The following FAM117A variants were observed in gnomAD, a reference collection of about 807,000 sequenced individuals.
The protein encoded by FAM117A is protein FAM117A.
A neutral mutation model predicts 44.1 loss-of-function variants in FAM117A; 21 were observed. The ratio of observed to expected loss-of-function variants is 0.48; its 90% CI spans 0.34 to 0.69. The LOEUF is 0.69. Among genes scored for constraint, FAM117A ranks in the 30% least tolerant of loss-of-function variants. The pLI is 0.01. For missense variants in FAM117A, 498 were observed against 589.9 expected (o/e 0.84, Z 1.61); for synonymous variants, 220 against 238.3 (o/e 0.92, Z 0.71).
At chr17:49,756,204 A>G (rs2073698108) in intron 1 of FAM117A, among the ~76,000 whole-genome samples, 1 of 152,186 alleles carries the variant, frequency 6.6e-6, no homozygotes, top group African/African-American at 2.4e-5. Flanking sequence ...AAAACATCCC[A>G]GTAGTTTTCT....
At chr17:49,769,884 G>A (rs953863927) in intron 1 of FAM117A, among the ~76,000 whole-genome samples, 6 of 152,056 alleles carry the variant, frequency 3.9e-5, no homozygotes, top group Admixed American at 1.3e-4. Context: ...ACAAGGGGAG[G>A]ACTTGTCAGA....
intron 1 of FAM117A, among the ~76,000 whole-genome samples, chr17:49,736,936 C>A (rs1421777819): frequency 6.6e-6 from 1 of 152,242 alleles, no homozygotes; most frequent in Non-Finnish European, 1.5e-5. Flanking sequence ...GTGTATCCCC[C>A]ACAATGTCTA....
At chr17:49,752,314 C>T (rs2073680868) in intron 1 of FAM117A, among the ~76,000 whole-genome samples, 1 of 152,068 alleles carries the variant, frequency 6.6e-6, no homozygotes. Flanking sequence ...TTCAGTTAAC[C>T]TAAAGCTAGG....
chr17:49,712,306 T>C (rs772480171), intron 7 of FAM117A, among the ~76,000 whole-genome samples: 1 of 152,202 alleles, frequency 6.6e-6, no homozygotes, highest in Non-Finnish European at 1.5e-5. Flanking sequence ...GGGGTGGGGA[T>C]GGAGGCATTG....
chr17:49,732,376 G>A, intron 2 of FAM117A, 175 bp downstream of exon 2: 1 of 591,894 alleles, frequency 1.7e-6, no homozygotes, highest in South Asian at 2.2e-5. Context: ...CTGCACTCCA[G>A]CCTGGGTGAC....
At chr17:49,783,692 T>C (rs1336531302) in intron 1 of FAM117A, among the ~76,000 whole-genome samples, 1 of 152,220 alleles carries the variant, frequency 6.6e-6, no homozygotes, top group Non-Finnish European at 1.5e-5. Context: ...AATGAAAATA[T>C]TTTAATAGGA....
At position 49,727,949 on chromosome 17, in the gene FAM117A, A is replaced by G. The variant is rs16948348; in HGVS notation, c.366+4602T>C. ...CGTCAGGACCACGTGTTCAACTGAA[A>G]TTCTGCAGGGAATCAGTCCCTTAGG... On this transcript the variant is annotated intron_variant, in intron 2 of 7. Coordinates refer to ENST00000240364, the MANE Select transcript of FAM117A (RefSeq NM_030802.4). Among the ~76,000 whole-genome samples, 1,258 of 152,328 alleles carry G rather than the reference A, an allele frequency of 8.3e-3. 11 individuals carry two copies. Among genetic ancestry groups the G allele is most frequent in the African/African-American group, 0.012 (481 of 41,578 alleles).
chr17:49,736,052 A>G (rs1266648283), intron 1 of FAM117A, among the ~76,000 whole-genome samples: 2 of 152,196 alleles, frequency 1.3e-5, no homozygotes, highest in African/African-American at 4.8e-5. Flanking sequence ...TGAGAAATAT[A>G]AACTTACAGG....
chr17:49,767,969 A>G (rs2073750208), upstream of FAM117A, among the ~76,000 whole-genome samples: 1 of 152,128 alleles, frequency 6.6e-6, no homozygotes, highest in Non-Finnish European at 1.5e-5. Flanking sequence ...TTTTTAATCT[A>G]TAAGAGACTT....
rs1774151321 is a variant in FAM117A, at chr17:49,763,951, GC to G, written c.136del (p.Ala46ProfsTer85). 1 of 1,234,556 alleles carries G rather than the reference GC, an allele frequency of 8.1e-7. No individual in the cohort carries two copies. The highest frequency in any genetic ancestry group is 1.0e-6 in the Non-Finnish European group (1 of 989,976). 76.5% of individuals were successfully genotyped at this position (1,234,556 alleles called of 1,614,324 possible). A position where few individuals can be genotyped will look rare whatever the true frequency, so the allele number is the denominator to read the frequency against. On this transcript the variant is annotated frameshift_variant, in exon 1 of 8. Transcript: ENST00000240364. LOFTEE classifies it high-confidence loss of function. ...SPRAGLQPLR[A>X]TIPFQLQQPH... ...CTGCTGCAGCTGGAAGGGGATCGTGGCCCTGAGCGGCTGCAGCCCAGCCCGG... is the reference window on the plus strand; with the variant it reads ...CTGCTGCAGCTGGAAGGGGATCGTGGCCTGAGCGGCTGCAGCCCAGCCCGG...
At chr17:49,789,028 GCCTATGCTTGCAACTATTCCCGC>G, upstream of FAM117A, 1 of 480,152 alleles carries the variant, frequency 2.1e-6, no homozygotes, top group East Asian at 3.5e-5. Flanking sequence ...CCTGGCCTCG[GCCTATGCTTGCAACTATTCCCGC>G]CCTCTGCTTG....
rs544140230 is a variant in FAM117A at position 49,734,015 on chromosome 17, C to T, written c.197-1295G>A. The stretch of plus-strand genomic sequence containing the variant: ...AAAATTAGCCAGGCGTGGTGGCAGG[C>T]GCCTGTAGTCCCAGCTACTCGGGAG... On this transcript the variant is annotated intron_variant, in intron 1 of 7. Coordinates refer to ENST00000240364, the MANE Select transcript of FAM117A (RefSeq NM_030802.4). Among the ~76,000 whole-genome samples the T allele has an allele frequency of 1.4e-3, 215 of 150,776 alleles. 1 individual carries two copies. The highest frequency in any genetic ancestry group is 5.0e-3 in the African/African-American group (207 of 41,078).
chr17:49,711,846 C>T (rs542750388), intron 7 of FAM117A, among the ~76,000 whole-genome samples: 5 of 152,274 alleles, frequency 3.3e-5, no homozygotes, highest in South Asian at 2.1e-4. Context: ...TCTTTTCATT[C>T]GAAAGATTTC....
At chr17:49,771,700 C>T (rs530553718) in intron 1 of FAM117A, among the ~76,000 whole-genome samples, 82 of 152,312 alleles carry the variant, frequency 5.4e-4, no homozygotes, top group African/African-American at 1.9e-3. Flanking sequence ...CAGGAACAGT[C>T]TGCATCCTCC....
intron 1 of FAM117A, among the ~76,000 whole-genome samples, chr17:49,780,272 G>A (rs1316442732): frequency 3.9e-5 from 6 of 152,168 alleles, no homozygotes; most frequent in Admixed American, 3.3e-4. Flanking sequence ...AAAATGCAGT[G>A]TCATTTTTTT....
chr17:49,753,929 T>C (rs2073687153), intron 1 of FAM117A, among the ~76,000 whole-genome samples: 1 of 152,216 alleles, frequency 6.6e-6, no homozygotes. Context: ...TGTCTTCCTC[T>C]GTGAACACGG....
At position 49,732,570 on chromosome 17, in the gene FAM117A, G is replaced by A. The variant is rs2073590324; in HGVS notation, c.347C>T (p.Thr116Ile). 1.2e-6 allele frequency: 2 copies of A among 1,614,022 alleles called. No individual in the cohort carries two copies. The highest frequency in any genetic ancestry group is 1.3e-5 in the African/African-American group (1 of 74,898). ...RDADGAFTCC[T>I]NDKATQTPLS... ...CATTACCTGGGTGGCCTTGTCATTGGTGCAGCAGGTGAAGGCCCCATCAGC... is the reference window on the plus strand; with the variant it reads ...CATTACCTGGGTGGCCTTGTCATTGATGCAGCAGGTGAAGGCCCCATCAGC... Residue 116 changes from threonine (T) to isoleucine (I), a missense_variant, in exon 2 of 8, where the codon ACC becomes ATC. Physicochemically the swap from Thr to Ile is moderately conservative, Grantham distance 89. This residue lies in a region of FAM117A where 270 missense variants were observed against 277.4 expected (regional missense o/e 0.97). Coordinates refer to ENST00000240364, the MANE Select transcript of FAM117A (RefSeq NM_030802.4).
At chr17:49,784,172 A>G (rs2073798481) in intron 1 of FAM117A, among the ~76,000 whole-genome samples, 1 of 152,266 alleles carries the variant, frequency 6.6e-6, no homozygotes, top group Non-Finnish European at 1.5e-5. Flanking sequence ...TTTAAAGGAC[A>G]TCAAGGGATC....
At chr17:49,755,198 G>A (rs925284260) in intron 1 of FAM117A, among the ~76,000 whole-genome samples, 14 of 152,162 alleles carry the variant, frequency 9.2e-5, no homozygotes, top group Admixed American at 2.0e-4. Context: ...CCTATCTGGT[G>A]GTTGGTGGGA....
Sources: allele counts gnomAD v4.1 joint callset (sites outside exome capture counted in the v4.1 genomes callset), GRCh38; gene constraint gnomAD v4.1.1; regional missense constraint gnomAD v4.1.1; transcripts MANE v1.5; gene names NCBI Gene and HGNC (gene_info 2026-07-23, HGNC 2026-07-21).